Variants in GABRG3 observed in about 807,000 individuals in gnomAD.
GABRG3 encodes the protein gamma-aminobutyric acid type A receptor subunit gamma3, also known as gamma-aminobutyric acid receptor subunit gamma-3.
Under a neutral mutation model 48.8 loss-of-function variants are expected in GABRG3, and 25 were observed. The observed-to-expected ratio is 0.51, with a 90% CI of 0.37 to 0.72. The LOEUF is 0.72. Among genes scored for constraint, GABRG3 ranks in the 30% least tolerant of loss-of-function variants. The pLI is 0.00. For missense variants in GABRG3, 394 were observed against 577.9 expected, an observed-to-expected ratio of 0.68 and a Z score of 3.26; for synonymous variants, 227 against 217.6, an observed-to-expected ratio of 1.04 and a Z score of -0.38.
chr15:27,195,008 T>A (rs904121283), intron 3 of GABRG3, among the ~76,000 whole-genome samples: 2 of 152,254 alleles, frequency 1.3e-5, no homozygotes, highest in African/African-American at 4.8e-5. Flanking sequence ...TTTTAATCTG[T>A]CCTCAATTCT....
chr15:27,328,940 C>A (rs1222084687), intron 5 of GABRG3, 52 bp downstream of exon 5: 3 of 1,371,092 alleles, frequency 2.2e-6, no homozygotes, highest in Non-Finnish European at 3.1e-6. Context: ...GGATGCCTAG[C>A]CTGGTACTGC....
intron 5 of GABRG3, chr15:27,350,518 GA>G: frequency 4.4e-6 from 1 of 229,082 alleles, no homozygotes; most frequent in Non-Finnish European, 8.9e-6. Flanking sequence ...TTGCAGGTAG[GA>G]CAGATGGCGA....
chr15:27,499,816 T>C (rs1370299988), intron 6 of GABRG3, among the ~76,000 whole-genome samples: 9 of 152,168 alleles, frequency 5.9e-5, no homozygotes, highest in Non-Finnish European at 1.0e-4. Flanking sequence ...TAAGCAGATG[T>C]GGATGGGGAG....
At chr15:27,152,853 T>C (rs1205823750) in intron 3 of GABRG3, among the ~76,000 whole-genome samples, 4 of 151,374 alleles carry the variant, frequency 2.6e-5, no homozygotes, top group African/African-American at 9.8e-5. Context: ...ATGATCCTTT[T>C]CGAGTTAATT....
chr15:27,336,196 A>G (rs1893958994), intron 5 of GABRG3, among the ~76,000 whole-genome samples: 1 of 143,592 alleles, frequency 7.0e-6, no homozygotes, highest in African/African-American at 2.9e-5. Flanking sequence ...TATGAAAAGA[A>G]AGAAAGAAAG....
intron 5 of GABRG3, among the ~76,000 whole-genome samples, chr15:27,420,519 G>C (rs923947748): frequency 1.3e-5 from 2 of 152,166 alleles, no homozygotes; most frequent in African/African-American, 4.8e-5. Context: ...TGCTAAGAGA[G>C]TAGATCTTAA....
chr15:27,052,865 A>T (rs1411219534), intron 3 of GABRG3, among the ~76,000 whole-genome samples: 1 of 152,204 alleles, frequency 6.6e-6, no homozygotes, highest in Admixed American at 6.5e-5. Context: ...AGCAACACAC[A>T]TGCAACCAGA....
At chr15:27,444,608 A>G (rs898021870) in intron 5 of GABRG3, among the ~76,000 whole-genome samples, 2 of 152,156 alleles carry the variant, frequency 1.3e-5, no homozygotes, top group Non-Finnish European at 1.5e-5. Context: ...TTTTAATTAT[A>G]GCTATTAGTC....
chr15:27,000,427 C>A (rs979218425), intron 2 of GABRG3, among the ~76,000 whole-genome samples: 1 of 152,082 alleles, frequency 6.6e-6, no homozygotes, highest in Admixed American at 6.5e-5. Context: ...AGTACTCTAC[C>A]CAAAGCTGGT....
intron 5 of GABRG3, among the ~76,000 whole-genome samples, chr15:27,477,866 C>T (rs571527003): frequency 1.1e-4 from 16 of 151,968 alleles, no homozygotes; most frequent in Non-Finnish European, 2.2e-4. Flanking sequence ...TGGTGAAACC[C>T]CGTCTCTACC....
At chr15:27,208,227 A>G (rs1398848503) in intron 3 of GABRG3, 2 of 162,308 alleles carry the variant, frequency 1.2e-5, no homozygotes, top group African/African-American at 4.8e-5. Context: ...GACAATCATA[A>G]GGTACATGAT....
At chr15:27,235,650 A>G (rs1889935171) in intron 3 of GABRG3, among the ~76,000 whole-genome samples, 1 of 152,188 alleles carries the variant, frequency 6.6e-6, no homozygotes. Flanking sequence ...TAATAAGAGA[A>G]AACAAACAGA....
At position 27,390,640 on chromosome 15, in the gene GABRG3, T is replaced by C. The variant is rs571363335; in HGVS notation, c.574+61752T>C. On this transcript the variant is annotated intron_variant, in intron 5 of 9. Coordinates refer to ENST00000615808, the MANE Select transcript of GABRG3 (RefSeq NM_033223.5). ...GTCCCTCCCATCTATGTTGGTGTCC[T>C]ATGGTGAGTCTGGTCAGAGCCAGAG... Among the ~76,000 whole-genome samples, 8 of 152,322 alleles carry C rather than the reference T, an allele frequency of 5.3e-5. No individual in the cohort carries two copies. The South Asian group carries it at 1.7e-3, about 32-fold the overall frequency.
intron 5 of GABRG3, among the ~76,000 whole-genome samples, chr15:27,406,224 A>AG: frequency 6.6e-6 from 1 of 152,198 alleles, no homozygotes; most frequent in Non-Finnish European, 1.5e-5. Flanking sequence ...ATAAATGGGG[A>AG]GGGAAGAAAC....
intron 2 of GABRG3, among the ~76,000 whole-genome samples, chr15:26,977,790 A>T (rs967761195): frequency 1.3e-5 from 2 of 152,202 alleles, no homozygotes; most frequent in African/African-American, 2.4e-5. Context: ...GCACATTTAT[A>T]TACAGGTTTC....
chr15:27,265,783 A>C (rs919552493), intron 3 of GABRG3, among the ~76,000 whole-genome samples: 1 of 152,022 alleles, frequency 6.6e-6, no homozygotes, highest in African/African-American at 2.4e-5. Flanking sequence ...AATTTTGATG[A>C]AGTCCAGTTT....
At chr15:27,053,903 A>G (rs1896495639) in intron 3 of GABRG3, among the ~76,000 whole-genome samples, 1 of 152,244 alleles carries the variant, frequency 6.6e-6, no homozygotes, top group Non-Finnish European at 1.5e-5. Flanking sequence ...GTCATCACTT[A>G]TAAGTGGAAG....
rs184377925 is a variant in GABRG3 at position 27,194,617 on chromosome 15, G to C, written c.271-132192G>C. On this transcript the variant is annotated intron_variant, in intron 3 of 9. Transcript: ENST00000615808. ...TTCTAGCATTCATGGTTTTAGATGA[G>C]AAGTGTGTTATCATTTGCATTTTTT... is the stretch of plus-strand genomic sequence containing the variant. 2.0e-3 allele frequency among the ~76,000 whole-genome samples: 299 copies of C among 152,300 alleles called. 4 individuals are homozygous for C. Among genetic ancestry groups the C allele is most frequent in the South Asian group, 4.8e-3 (23 of 4,828 alleles).
chr15:27,124,925 C>G (rs1240931044), intron 3 of GABRG3, among the ~76,000 whole-genome samples: 1 of 152,178 alleles, frequency 6.6e-6, no homozygotes, highest in Non-Finnish European at 1.5e-5. Context: ...TACATTCACT[C>G]TAATTATGGC....
Sources: gnomAD v4.1 joint callset for allele counts (sites outside exome capture counted in the v4.1 genomes callset) on GRCh38, gnomAD v4.1.1 for gene constraint, MANE v1.5 for transcripts, NCBI Gene and HGNC (gene_info 2026-07-23, HGNC 2026-07-21) for gene names.